ASL: variants seen among roughly 807,000 people sequenced by gnomAD.
The protein encoded by ASL is argininosuccinase.
ASL carries 51 observed loss-of-function variants against 69.1 expected under a neutral mutation model. The observed-to-expected ratio is 0.74, with a 90% CI of 0.59 to 0.93. The LOEUF is 0.93. Ranked by LOEUF, ASL falls within the 40% of genes least tolerant of loss-of-function variation. The pLI is 0.00. For missense variants in ASL, 540 were observed against 623.9 expected (o/e 0.87, Z 1.43); for synonymous variants, 241 against 247.6 (o/e 0.97, Z 0.25).
intron 6 of ASL, among the ~76,000 whole-genome samples, chr7:66,085,544 C>G (rs1786636190): frequency 6.6e-6 from 1 of 151,716 alleles, no homozygotes; most frequent in Admixed American, 6.6e-5. Context: ...TTTGGGAGGC[C>G]AAGGCAGGAG....
At chr7:66,078,462 A>T (rs1786410833) in intron 2 of ASL, among the ~76,000 whole-genome samples, 1 of 152,022 alleles carries the variant, frequency 6.6e-6, no homozygotes, top group Non-Finnish European at 1.5e-5. Context: ...CCAGGAGTGG[A>T]GCTGAAGCAT....
intron 2 of ASL, among the ~76,000 whole-genome samples, chr7:66,079,014 A>G (rs1361824125): frequency 6.6e-6 from 1 of 152,054 alleles, no homozygotes; most frequent in Non-Finnish European, 1.5e-5. Flanking sequence ...GGTTCACGCC[A>G]TTCTCCTGCC....
At chr7:66,082,124 A>G (rs879038513) in intron 3 of ASL, 127 bp downstream of exon 3, 1 of 1,239,664 alleles carries the variant, frequency 8.1e-7, no homozygotes, top group Non-Finnish European at 1.1e-6. Context: ...TATATACTCA[A>G]GTGCTGTTTA....
At chr7:66,086,237 A>G (rs963011482) in intron 6 of ASL, among the ~76,000 whole-genome samples, 1 of 152,090 alleles carries the variant, frequency 6.6e-6, no homozygotes, top group Non-Finnish European at 1.5e-5. Flanking sequence ...AGGGTCCTCA[A>G]ACGAAACCTC....
At position 66,088,843 on chromosome 7, in the gene ASL, A is replaced by G; in HGVS notation, c.755A>G (p.His252Arg). The G allele has an allele frequency of 6.2e-7, 1 of 1,614,016 alleles. No individual in the cohort carries two copies. Among genetic ancestry groups the G allele is most frequent in the Non-Finnish European group, 8.5e-7 (1 of 1,180,008 alleles). The change falls in exon 11 of 17, where the codon CAT becomes CGT. Residue 252 changes from histidine (H) to arginine (R), a missense_variant. Transcript: ENST00000304874. ...FLFWASLCMT[H>R]LSRMAEDLIL... ...TTCTGGGCTTCGCTGTGCATGACCC[A>G]TCTCAGCAGGATGGCCGAGGACCTC...
At chr7:66,089,908 G>A (rs1423060057) in intron 14 of ASL, among the ~76,000 whole-genome samples, 1 of 152,146 alleles carries the variant, frequency 6.6e-6, no homozygotes, top group Non-Finnish European at 1.5e-5. Context: ...CCTGGGGCCT[G>A]TCAAATGGCC....
chr7:66,091,987 CGCCCACCTGT>C lies in ASL; in HGVS notation c.1063-14_1063-5del. 1.2e-6 allele frequency: 2 copies of C among 1,612,802 alleles called. No individual in the cohort carries two copies. The highest frequency in any genetic ancestry group is 1.7e-6 in the Non-Finnish European group (2 of 1,179,816). On this transcript the variant is annotated splice_polypyrimidine_tract_variant and intron_variant, in intron 14 of 16. Transcript: ENST00000304874. ...CCCAGGGTCCCCAGGGCTCACCACT[CGCCCACCTGT>C]GCCCCCAGATTCACCAAGAGAACAT...
intron 6 of ASL, among the ~76,000 whole-genome samples, chr7:66,085,093 G>A (rs1404462243): frequency 6.6e-6 from 1 of 152,130 alleles, no homozygotes; most frequent in Non-Finnish European, 1.5e-5. Context: ...TGATGAAAAT[G>A]TTCTAAAATT....
intron 5 of ASL, 67 bp downstream of exon 5, chr7:66,083,003 A>G: frequency 6.2e-7 from 1 of 1,611,196 alleles, no homozygotes. Flanking sequence ...GGGCAGTTAG[A>G]GTTCTGCAGC....
At chr7:66,082,588 C>G in intron 4 of ASL, 137 bp downstream of exon 4, 21 of 1,060,894 alleles carry the variant, frequency 2.0e-5, no homozygotes, top group Non-Finnish European at 2.8e-5. Flanking sequence ...GAGCCAGGCA[C>G]CCTGGCTCAT....
intron 14 of ASL, 45 bp downstream of exon 14, chr7:66,089,740 C>A (rs763063297): frequency 3.9e-5 from 62 of 1,599,748 alleles, no homozygotes; most frequent in Non-Finnish European, 5.0e-5. Flanking sequence ...GTCCCAGGCA[C>A]TGGGGTGGGC....
chr7:66,091,097 CAAAAAA>C (rs71051336), intron 14 of ASL, among the ~76,000 whole-genome samples: 3 of 73,402 alleles, frequency 4.1e-5, no homozygotes, highest in African/African-American at 5.4e-5. Context: ...GACTCCATCT[CAAAAAA>C]AAAAAAAAAA....
At chr7:66,092,492 G>T in intron 15 of ASL, 65 bp from the exon 16 acceptor site, 1 of 1,394,794 alleles carries the variant, frequency 7.2e-7, no homozygotes, top group Non-Finnish European at 1.0e-6. Flanking sequence ...GGGGGTGCAG[G>T]CAATGGAGGC....
intron 2 of ASL, among the ~76,000 whole-genome samples, chr7:66,078,754 A>T (rs372235233): frequency 6.7e-6 from 1 of 149,300 alleles, no homozygotes; most frequent in South Asian, 2.1e-4. Flanking sequence ...CCTGCTTCAG[A>T]CTCCCAAGTG....
chr7:66,081,749 A>G, intron 2 of ASL, 54 bp from the exon 3 acceptor site: 1 of 1,568,554 alleles, frequency 6.4e-7, no homozygotes, highest in South Asian at 1.2e-5. Flanking sequence ...CTTTGCAAGA[A>G]GCACTGTTCT....
intron 16 of ASL, 22 bp downstream of exon 16, chr7:66,092,685 A>G (rs1786884506): frequency 2.5e-6 from 4 of 1,613,276 alleles, no homozygotes; most frequent in East Asian, 4.5e-5. Flanking sequence ...CCCCTTCCCC[A>G]TGCTGCCTCC....
rs1409884405 is a variant in ASL, at chr7:66,087,356, CT to C, written c.626del (p.Leu209ArgfsTer42). The C allele has an allele frequency of 6.2e-7, 1 of 1,606,166 alleles. No individual in the cohort carries two copies. Among genetic ancestry groups the C allele is most frequent in the Non-Finnish European group, 8.5e-7 (1 of 1,179,878 alleles). The part of the protein sequence containing the change: ...LGSGAIAGNP[L>X]GVDRELLRAE... ...CAGTGGGGCCATTGCAGGCAATCCC[CT>C]GGGTGTGGACCGAGAGCTGCTCCGA... is the stretch of plus-strand genomic sequence containing the variant. On this transcript the variant is annotated frameshift_variant, in exon 9 of 17. Transcript: ENST00000304874. LOFTEE classifies it high-confidence loss of function.
rs769473226 is a variant in ASL at position 66,089,712 on chromosome 7, C to T, written c.1062+17C>T. ...ACGCTGCAGGCAAGACATCACCCCC[C>T]TGCTTCTCCTCCCCTAGGTCCCAGG... On this transcript the variant is annotated intron_variant, in intron 14 of 16. Coordinates refer to ENST00000304874, the MANE Select transcript of ASL (RefSeq NM_000048.4). 6.2e-7 allele frequency: 1 copy of T among 1,612,414 alleles called. No homozygotes were observed. The highest frequency in any genetic ancestry group is 1.7e-5 in the Admixed American group (1 of 59,914).
At position 66,084,664 on chromosome 7, in the gene ASL, G is replaced by C. The variant is rs10276931; in HGVS notation, c.446+1490G>C. Among the ~76,000 whole-genome samples, 163 of 152,094 alleles carry C rather than the reference G, an allele frequency of 1.1e-3. 2 individuals are homozygous for C. Among genetic ancestry groups the C allele is most frequent in the African/African-American group, 3.6e-3 (150 of 41,500 alleles). On this transcript the variant is annotated intron_variant, in intron 6 of 16. Transcript: ENST00000304874. ...AGACAGAGTCTTGCTCTGTTGCCCA[G>C]GCTGGAGTGCAGTGGCGTGATCTCC...
Sources: gnomAD v4.1 joint callset for allele counts (sites outside exome capture counted in the v4.1 genomes callset) on GRCh38, gnomAD v4.1.1 for gene constraint, MANE v1.5 for transcripts, NCBI Gene and HGNC (gene_info 2026-07-23, HGNC 2026-07-21) for gene names.